The following PTK7 variants were observed in gnomAD, a reference collection of about 807,000 sequenced individuals.
The protein encoded by PTK7 is inactive tyrosine-protein kinase 7.
PTK7 carries 39 observed loss-of-function variants against 116.6 expected under a neutral mutation model. The observed-to-expected ratio is 0.33, with a 90% CI of 0.26 to 0.44. PTK7 has a LOEUF of 0.44. PTK7 is among the 20% of genes least tolerant of loss of function. The pLI is 1.00. For synonymous variants in PTK7, 546 were observed against 563.6 expected, an observed-to-expected ratio of 0.97 and a Z score of 0.44; for missense variants, 1,169 against 1,425.6, an observed-to-expected ratio of 0.82 and a Z score of 2.90.
At chr6:43,085,733 A>T (rs1766612850) in intron 1 of PTK7, among the ~76,000 whole-genome samples, 1 of 151,118 alleles carries the variant, frequency 6.6e-6, no homozygotes, top group Non-Finnish European at 1.5e-5. Flanking sequence ...CGGGAGTTCG[A>T]GACCAGCCTG....
At chr6:43,119,007 T>C (rs571894296) in intron 1 of PTK7, among the ~76,000 whole-genome samples, 24 of 152,052 alleles carry the variant, frequency 1.6e-4, no homozygotes, top group African/African-American at 5.1e-4. Context: ...GTGATCCTTC[T>C]ACCTCGGCTT....
chr6:43,160,059 A>C, intron 19 of PTK7, 93 bp downstream of exon 19: 3 of 1,353,570 alleles, frequency 2.2e-6, no homozygotes, highest in Non-Finnish European at 3.0e-6. Flanking sequence ...CCTCCCTCTC[A>C]GGGCTGCTAC....
chr6:43,103,936 G>A (rs1218475912), intron 1 of PTK7, among the ~76,000 whole-genome samples: 1 of 152,204 alleles, frequency 6.6e-6, no homozygotes, highest in South Asian at 2.1e-4. Flanking sequence ...TGCACCCGGG[G>A]TGAAAATCTC....
At chr6:43,146,507 GCCTTC>G in intron 16 of PTK7, 106 bp from the exon 17 acceptor site, 1 of 965,672 alleles carries the variant, frequency 1.0e-6, no homozygotes, top group Non-Finnish European at 1.6e-6. Context: ...GCTAGCTTAG[GCCTTC>G]TCACTGCCTC....
In PTK7 at chr6:43,144,592, C is replaced by A; in HGVS notation, c.2393C>A (p.Pro798His). The change falls in exon 15 of 20, where the codon CCC (proline) becomes CAC (histidine). Residue 798 changes from proline to histidine, a missense_variant. Physicochemically the swap from Pro to His is moderately conservative, Grantham distance 77. Around this residue, in one of 3 missense-constraint regions of PTK7, gnomAD observed 678 missense variants for 853.8 expected, o/e 0.79. Transcript: ENST00000230419. ...CACTTCCCACGGTCTAGCCTGCAGC[C>A]CATCACCACGCTGGGTATGTTGCCT... ...KMHFPRSSLQ[P>H]ITTLGKSEFG... 6.2e-7 allele frequency: 1 copy of A among 1,611,824 alleles called. No homozygotes were observed. The highest frequency in any genetic ancestry group is 8.5e-7 in the Non-Finnish European group (1 of 1,178,486).
At chr6:43,135,485 C>T (rs1769976862) in intron 7 of PTK7, among the ~76,000 whole-genome samples, 1 of 152,022 alleles carries the variant, frequency 6.6e-6, no homozygotes, top group South Asian at 2.1e-4. Context: ...CAAGGGAGAA[C>T]AATGAAATAG....
rs1561990698 is a variant in PTK7 at position 43,157,372 on chromosome 6, TTTTC to T, written c.2722-1441_2722-1438del. 4.7e-4 allele frequency among the ~76,000 whole-genome samples: 33 copies of T among 69,564 alleles called. 1 individual carries two copies. Among genetic ancestry groups the T allele is most frequent in the African/African-American group, 1.9e-3 (30 of 15,980 alleles). The allele number at this position is 69,564 out of a possible 152,430, so 45.6% of individuals were successfully genotyped here. On this transcript the variant is annotated intron_variant, in intron 17 of 19. Transcript: ENST00000230419. The stretch of plus-strand genomic sequence containing the variant: ...TATATATATATATATATATTTTTTT[TTTTC>T]TTTTTTTTTTTTTTTTTTTAATAGA...
intron 1 of PTK7, among the ~76,000 whole-genome samples, chr6:43,096,567 G>C (rs1202502861): frequency 6.6e-6 from 1 of 152,200 alleles, no homozygotes; most frequent in Non-Finnish European, 1.5e-5. Context: ...CCTCTGCCCT[G>C]GAGCCAGAGT....
At position 43,159,957 on chromosome 6, in the gene PTK7, G is replaced by A. The variant is rs1771748206; in HGVS notation, c.3043G>A (p.Val1015Ile). The A allele has an allele frequency of 1.2e-6, 2 of 1,613,510 alleles. No individual in the cohort carries two copies. The highest frequency in any genetic ancestry group is 1.7e-6 in the Non-Finnish European group (2 of 1,179,596). Residue 1015 changes from valine to isoleucine, a missense_variant, in exon 19 of 20, where the codon GTA (valine) becomes ATA (isoleucine). Val to Ile is a conservative substitution (Grantham distance 29). This residue lies in a region of PTK7 where 678 missense variants were observed against 853.8 expected (regional missense o/e 0.79). Coordinates refer to ENST00000230419, the MANE Select transcript of PTK7 (RefSeq NM_002821.5). ...CCATGGTGGGCAGGCAGATGATGAA[G>A]TACTGGCAGGTAGGCAGCCTTGCTG... ...MPHGGQADDEVLADLQAGKAR... is the reference protein window; with the variant it reads ...MPHGGQADDEILADLQAGKAR...
chr6:43,124,154 TG>T (rs1411859152), intron 1 of PTK7, among the ~76,000 whole-genome samples: 1 of 152,074 alleles, frequency 6.6e-6, no homozygotes, highest in Non-Finnish European at 1.5e-5. Flanking sequence ...ACCACAGTCC[TG>T]GGGGCATACT....
rs1160722939 is a variant in PTK7 at position 43,146,398 on chromosome 6, TCTC to T, written c.2641-214_2641-212del. On this transcript the variant is annotated intron_variant, in intron 16 of 19. Transcript: ENST00000230419. ...TTCCCCTTGGGGTAGAAATGCCAATTCTCCTCCTTTCTAACTGAGACAGCCTCT... is the reference window on the plus strand; with the variant it reads ...TTCCCCTTGGGGTAGAAATGCCAATTCTCCTTTCTAACTGAGACAGCCTCT... Among the ~76,000 whole-genome samples, 8 of 152,022 alleles carry T rather than the reference TCTC, an allele frequency of 5.3e-5. No individual in the cohort carries two copies. The East Asian group carries it at 7.8e-4, about 15-fold the overall frequency.
At position 43,142,013 on chromosome 6, in the gene PTK7, G is replaced by A. The variant is rs6905948; in HGVS notation, c.1851G>A (p.Gly617=). The change falls in exon 12 of 20, where the codon GGG becomes GGA. Residue 617 remains glycine, a synonymous_variant. Transcript: ENST00000230419. ...CCCTACTGCAGTGCGAGGCCCAGGG[G>A]GACCCCAAGCCGCTGATTCAGTGGA... The part of the protein sequence containing the change: ...HTALLQCEAQ[G]DPKPLIQWKG... 588,978 of 1,613,198 alleles carry A rather than the reference G, an allele frequency of 0.37. 110,517 individuals carry two copies. Among genetic ancestry groups the A allele is most frequent in the Middle Eastern group, 0.46 (2,784 of 6,062 alleles).
chr6:43,109,103 A>G (rs185261240), intron 1 of PTK7, among the ~76,000 whole-genome samples: 43 of 152,282 alleles, frequency 2.8e-4, no homozygotes, highest in Non-Finnish European at 4.9e-4. Context: ...TTTTAAACCT[A>G]TTTGATGTGT....
chr6:43,135,077 G>T (rs1769946831), intron 7 of PTK7, among the ~76,000 whole-genome samples: 1 of 152,176 alleles, frequency 6.6e-6, no homozygotes, highest in African/African-American at 2.4e-5. Flanking sequence ...TTTAACAAGT[G>T]CTCTGGGTGA....
chr6:43,140,104 ACT>A (rs1328067489), intron 10 of PTK7, among the ~76,000 whole-genome samples: 1 of 151,402 alleles, frequency 6.6e-6, no homozygotes, highest in African/African-American at 2.4e-5. Context: ...ACAGAGTGAG[ACT>A]CTGACTCAAA....
intron 5 of PTK7, 94 bp from the exon 6 acceptor site, chr6:43,131,922 A>G (rs1223650529): frequency 6.5e-7 from 1 of 1,541,064 alleles, no homozygotes; most frequent in Non-Finnish European, 8.9e-7. Flanking sequence ...TCCTTACTAC[A>G]TTTCCGACTT....
At chr6:43,093,454 A>G (rs1767068639) in intron 1 of PTK7, among the ~76,000 whole-genome samples, 1 of 152,032 alleles carries the variant, frequency 6.6e-6, no homozygotes, top group Non-Finnish European at 1.5e-5. Context: ...ATCTGGAGAG[A>G]GTGATTAACA....
At chr6:43,110,298 T>A (rs1768124550) in intron 1 of PTK7, among the ~76,000 whole-genome samples, 1 of 151,408 alleles carries the variant, frequency 6.6e-6, no homozygotes, top group Non-Finnish European at 1.5e-5. Flanking sequence ...CCTGGAGTAT[T>A]TTCCTATATT....
At chr6:43,088,607 G>A (rs1359552491) in intron 1 of PTK7, among the ~76,000 whole-genome samples, 9 of 152,040 alleles carry the variant, frequency 5.9e-5, no homozygotes, top group African/African-American at 2.2e-4. Flanking sequence ...CAGGAGAATG[G>A]CTTGAGCCTG....
Sources: gnomAD v4.1 joint callset for allele counts (sites outside exome capture counted in the v4.1 genomes callset) on GRCh38, gnomAD v4.1.1 for gene constraint, gnomAD v4.1.1 regional missense constraint, MANE v1.5 for transcripts, NCBI Gene and HGNC (gene_info 2026-07-23, HGNC 2026-07-21) for gene names.